TM4SF5: variants seen among roughly 807,000 people sequenced by gnomAD.
The protein encoded by TM4SF5 is transmembrane 4 L six family member 5, also known as transmembrane 4 L6 family member 5.
Under a neutral mutation model 22.3 loss-of-function variants are expected in TM4SF5, and 16 were observed. The ratio of observed to expected loss-of-function variants is 0.72; its 90% CI spans 0.49 to 1.09. TM4SF5 has a LOEUF of 1.09. Among genes scored for constraint, TM4SF5 ranks in the 50% least tolerant of loss-of-function variants. The pLI, the probability that TM4SF5 is intolerant of heterozygous loss-of-function variation, is 0.00. For missense variants in TM4SF5, 249 were observed against 266.1 expected, an observed-to-expected ratio of 0.94 and a Z score of 0.45; for synonymous variants, 113 against 109.6, an observed-to-expected ratio of 1.03 and a Z score of -0.19.
At chr17:4,782,714 C>T in intron 3 of TM4SF5, 75 bp downstream of exon 3, 1 of 1,593,668 alleles carries the variant, frequency 6.3e-7, no homozygotes, top group South Asian at 1.1e-5. Context: ...GACTGGGACA[C>T]CTGGGCGGGA....
intron 1 of TM4SF5, among the ~76,000 whole-genome samples, chr17:4,778,773 C>A (rs1917249150): frequency 6.6e-6 from 1 of 151,778 alleles, no homozygotes; most frequent in African/African-American, 2.4e-5. Context: ...AGTTACAAGT[C>A]TTGGCCAGGC....
At chr17:4,778,478 G>A (rs933897245) in intron 1 of TM4SF5, among the ~76,000 whole-genome samples, 4 of 151,924 alleles carry the variant, frequency 2.6e-5, no homozygotes, top group Middle Eastern at 6.8e-3. Flanking sequence ...ATGTTGTTCC[G>A]CACCTTTAGT....
chr17:4,778,564 AC>A (rs1398617322), intron 1 of TM4SF5, among the ~76,000 whole-genome samples: 1 of 152,080 alleles, frequency 6.6e-6, no homozygotes, highest in Non-Finnish European at 1.5e-5. Flanking sequence ...CCATGATTGC[AC>A]CACTGCATTC....
At chr17:4,778,992 G>C (rs1917252571) in intron 1 of TM4SF5, among the ~76,000 whole-genome samples, 1 of 151,236 alleles carries the variant, frequency 6.6e-6, no homozygotes, top group Non-Finnish European at 1.5e-5. Flanking sequence ...GGGAGGTGGA[G>C]GTTGCAGTGA....
At chr17:4,775,192 AC>A (rs1917183169) in intron 1 of TM4SF5, among the ~76,000 whole-genome samples, 1 of 151,968 alleles carries the variant, frequency 6.6e-6, no homozygotes, top group Admixed American at 6.6e-5. Flanking sequence ...GGCCTGGAAC[AC>A]CCTGAAAAGC....
chr17:4,776,036 T>A (rs1441588374), intron 1 of TM4SF5, among the ~76,000 whole-genome samples: 3 of 151,226 alleles, frequency 2.0e-5, no homozygotes, highest in African/African-American at 7.3e-5. Flanking sequence ...TTAGTAGAGA[T>A]GGGGGTTTCG....
intron 1 of TM4SF5, among the ~76,000 whole-genome samples, chr17:4,772,622 A>C (rs1277144748): frequency 1.3e-5 from 2 of 152,116 alleles, no homozygotes; most frequent in Non-Finnish European, 2.9e-5. Flanking sequence ...AACTTAGGTC[A>C]GTATGGCAGG....
chr17:4,779,600 T>G (rs567970545), intron 1 of TM4SF5, among the ~76,000 whole-genome samples: 1 of 152,124 alleles, frequency 6.6e-6, no homozygotes, highest in Non-Finnish European at 1.5e-5. Context: ...GCCACTTAAG[T>G]AAAAGTTGAG....
chr17:4,782,715 CT>C lies in TM4SF5; in HGVS notation c.395+77del. On this transcript the variant is annotated intron_variant, in intron 3 of 4. Coordinates refer to ENST00000270560, the MANE Select transcript of TM4SF5 (RefSeq NM_003963.3). ...GCCCTTCCCCCGTGGACTGGGACAC[CT>C]GGGCGGGACTCGACTTCGAGGGCAC... The C allele has an allele frequency of 1.9e-6, 3 of 1,590,920 alleles. No homozygotes were observed. In the South Asian group the frequency reaches 3.4e-5, roughly 18 times the overall value.
At chr17:4,782,799 C>T in intron 3 of TM4SF5, 55 bp from the exon 4 acceptor site, 1 of 1,579,334 alleles carries the variant, frequency 6.3e-7, no homozygotes, top group Non-Finnish European at 8.6e-7. Context: ...TTCTTGGGGG[C>T]GGGGTGGCGC....
intron 2 of TM4SF5, 94 bp from the exon 3 acceptor site, chr17:4,782,409 A>G (rs1917328357): frequency 1.4e-6 from 2 of 1,471,226 alleles, no homozygotes. Flanking sequence ...ACCCGACTGG[A>G]GCAGATTTCG....
chr17:4,778,251 T>C (rs1917242210), intron 1 of TM4SF5, among the ~76,000 whole-genome samples: 1 of 151,994 alleles, frequency 6.6e-6, no homozygotes, highest in South Asian at 2.1e-4. Flanking sequence ...GATGATATAA[T>C]AGAACTGAAA....
chr17:4,782,371 G>GC, intron 2 of TM4SF5, 132 bp from the exon 3 acceptor site: 2 of 1,118,244 alleles, frequency 1.8e-6, no homozygotes, highest in Non-Finnish European at 2.6e-6. Flanking sequence ...GAGCCACCGC[G>GC]CCCGGCATTA....
In TM4SF5 at chr17:4,779,009, A is replaced by G. The variant is rs1318284125; in HGVS notation, c.178-1780A>G. ...GAGGTGGAGGTTGCAGTGAGCCAAG[A>G]TCACACCACTGTACTCCAACCTGGT... On this transcript the variant is annotated intron_variant, in intron 1 of 4. Transcript: ENST00000270560. 5.3e-5 allele frequency among the ~76,000 whole-genome samples: 8 copies of G among 150,408 alleles called. No individual in the cohort carries two copies. The Admixed American group carries it at 5.4e-4, about 10-fold the overall frequency.
intron 2 of TM4SF5, among the ~76,000 whole-genome samples, 170 bp downstream of exon 2, chr17:4,781,039 G>A (rs1267306568): frequency 1.3e-5 from 2 of 151,696 alleles, no homozygotes; most frequent in African/African-American, 2.4e-5. Context: ...AATTAGCCGG[G>A]CGTGGTGGCA....
rs1372140258 is a variant in TM4SF5, at chr17:4,776,287, G to GT, written c.177+4195dup. Among the ~76,000 whole-genome samples the GT allele has an allele frequency of 7.3e-5, 11 of 151,508 alleles. No individual in the cohort carries two copies. In the East Asian group the frequency reaches 1.6e-3, roughly 21 times the overall value. ...TATACATTCTACTGTTTGTTTGTTT[G>GT]TTTTTTTGCTTTTTTGCTTTTTTGT... On this transcript the variant is annotated intron_variant, in intron 1 of 4. Transcript: ENST00000270560.
intron 2 of TM4SF5, 134 bp from the exon 3 acceptor site, chr17:4,782,369 G>T: frequency 9.1e-7 from 1 of 1,099,544 alleles, no homozygotes; most frequent in Non-Finnish European, 1.3e-6. Context: ...GTGAGCCACC[G>T]CGCCCGGCAT....
intron 1 of TM4SF5, among the ~76,000 whole-genome samples, chr17:4,777,839 G>T (rs200759252): frequency 6.6e-6 from 1 of 151,800 alleles, no homozygotes; most frequent in Non-Finnish European, 1.5e-5. Context: ...AGCCAAGATC[G>T]CGCCATTGCA....
intron 1 of TM4SF5, among the ~76,000 whole-genome samples, chr17:4,777,506 G>A (rs1488918427): frequency 1.3e-5 from 2 of 152,020 alleles, no homozygotes; most frequent in African/African-American, 2.4e-5. Context: ...TTTGGGAGGT[G>A]GAGGCAGGAG....
Sources: gnomAD v4.1 joint callset for allele counts (sites outside exome capture counted in the v4.1 genomes callset) on GRCh38, gnomAD v4.1.1 for gene constraint, MANE v1.5 for transcripts, NCBI Gene and HGNC (gene_info 2026-07-23, HGNC 2026-07-21) for gene names.